The following NUTM2G variants were observed in gnomAD, a reference collection of about 807,000 sequenced individuals.
NUTM2G encodes the protein NUT family member 2G.
Under a neutral mutation model 44.3 loss-of-function variants are expected in NUTM2G, and 29 were observed. The ratio of observed to expected loss-of-function variants is 0.66; its 90% CI spans 0.49 to 0.89. The LOEUF is 0.89. Ranked by LOEUF, NUTM2G falls within the 40% of genes least tolerant of loss-of-function variation. The pLI is 0.00. For missense variants in NUTM2G, 502 were observed against 946.5 expected (o/e 0.53, Z 6.16); for synonymous variants, 205 against 395.9 (o/e 0.52, Z 5.72).
intron 1 of NUTM2G, among the ~76,000 whole-genome samples, chr9:96,930,262 C>T (rs1480966900): frequency 1.3e-5 from 2 of 152,102 alleles, no homozygotes; most frequent in East Asian, 1.9e-4. Context: ...CGGTGGCTCA[C>T]GCCTGTAATC....
rs1168888338 is a variant in NUTM2G, at chr9:96,930,872, G to GTTTTTTTTTTTTTTTTTTTTT, written c.17-830_17-810dup. 1.4e-4 allele frequency among the ~76,000 whole-genome samples: 10 copies of GTTTTTTTTTTTTTTTTTTTTT among 72,726 alleles called. 3 individuals are homozygous for GTTTTTTTTTTTTTTTTTTTTT. Among genetic ancestry groups the GTTTTTTTTTTTTTTTTTTTTT allele is most frequent in the African/African-American group, 2.8e-4 (5 of 17,572 alleles). 47.7% of individuals were successfully genotyped at this position (72,726 alleles called of 152,430 possible). On this transcript the variant is annotated intron_variant, in intron 1 of 6. Transcript: ENST00000372322. The stretch of plus-strand genomic sequence containing the variant: ...GGCTTGGGCGAGTTTCCATCCAGTG[G>GTTTTTTTTTTTTTTTTTTTTT]TTTTTTTTTTTTTTTTTTTTTTTTT...
intron 5 of NUTM2G, 58 bp downstream of exon 5, chr9:96,937,462 C>T (rs1826473039): frequency 6.6e-7 from 1 of 1,506,982 alleles, no homozygotes; most frequent in South Asian, 1.2e-5. Context: ...ACTTCCAGGT[C>T]CTTGGAATTA....
At chr9:96,930,251 G>A (rs570573660) in intron 1 of NUTM2G, among the ~76,000 whole-genome samples, 3 of 152,174 alleles carry the variant, frequency 2.0e-5, no homozygotes, top group Non-Finnish European at 2.9e-5. Flanking sequence ...CTGGCCGGGC[G>A]CGGTGGCTCA....
At chr9:96,936,990 C>T (rs1337822352) in intron 4 of NUTM2G, 74 bp from the exon 5 acceptor site, 52 of 1,372,010 alleles carry the variant, frequency 3.8e-5, no homozygotes, top group Non-Finnish European at 5.1e-5. Flanking sequence ...ATCCCCAAGC[C>T]CTGCCCTCCC....
rs1310362219 is a variant in NUTM2G at position 96,930,871 on chromosome 9, G to GTTTTT, written c.17-851_17-850insTTTTT. On this transcript the variant is annotated intron_variant, in intron 1 of 6. Transcript: ENST00000372322. ...TGGCTTGGGCGAGTTTCCATCCAGT[G>GTTTTT]GTTTTTTTTTTTTTTTTTTTTTTTT... is the stretch of plus-strand genomic sequence containing the variant. Among the ~76,000 whole-genome samples the GTTTTT allele has an allele frequency of 8.6e-5, 9 of 104,404 alleles. 1 individual carries two copies. Among genetic ancestry groups the GTTTTT allele is most frequent in the African/African-American group, 3.0e-4 (8 of 26,804 alleles). 68.5% of individuals were successfully genotyped at this position (104,404 alleles called of 152,430 possible).
chr9:96,938,025 C>T, intron 6 of NUTM2G, 24 bp downstream of exon 6: 1 of 1,612,274 alleles, frequency 6.2e-7, no homozygotes, highest in Non-Finnish European at 8.5e-7. Flanking sequence ...GGGAGGGGAA[C>T]CCAGGTACTC....
chr9:96,938,069 C>T (rs1181483757), intron 6 of NUTM2G, 68 bp downstream of exon 6: 6 of 1,603,570 alleles, frequency 3.7e-6, no homozygotes, highest in African/African-American at 2.7e-5. Flanking sequence ...ACAAGGCCCA[C>T]CCGACTGTCT....
At chr9:96,935,514 G>C (rs918666394) in intron 3 of NUTM2G, 58 bp downstream of exon 3, 9 of 1,611,446 alleles carry the variant, frequency 5.6e-6, no homozygotes, top group African/African-American at 1.3e-5. Context: ...GAATGACAGA[G>C]GCCCGGTGGC....
downstream of NUTM2G, chr9:96,942,962 C>T (rs1041415826): frequency 6.6e-6 from 1 of 151,058 alleles, no homozygotes; most frequent in Non-Finnish European, 1.5e-5. Context: ...CAAAATAAAA[C>T]CCCAAGGCAC....
downstream of NUTM2G, chr9:96,942,653 CCT>C (rs1826622426): frequency 7.6e-6 from 1 of 132,358 alleles, no homozygotes; most frequent in Non-Finnish European, 1.5e-5. Context: ...ATGAATTCCA[CCT>C]CTCAGGCCAT....
intron 6 of NUTM2G, 130 bp downstream of exon 6, chr9:96,938,131 G>A (rs1288342140): frequency 1.4e-6 from 1 of 732,880 alleles, no homozygotes; most frequent in Non-Finnish European, 2.3e-6. Context: ...CTCCGGGGTG[G>A]GAAGATGCAG....
chr9:96,930,545 AAAG>A (rs1325595044), intron 1 of NUTM2G, among the ~76,000 whole-genome samples: 1 of 148,182 alleles, frequency 6.7e-6, no homozygotes, highest in Non-Finnish European at 1.5e-5. Flanking sequence ...AAAAGAAAAA[AAAG>A]AAAATCCCTA....
chr9:96,936,030 G>A (rs574547509), intron 3 of NUTM2G, among the ~76,000 whole-genome samples: 1,643 of 149,538 alleles, frequency 0.011, 22 homozygotes, highest in African/African-American at 0.038. Context: ...GGGGTCTCCC[G>A]GGCCTCGTGT....
downstream of NUTM2G, chr9:96,942,895 A>C (rs1398397447): frequency 2.0e-5 from 3 of 147,872 alleles, 1 homozygote; most frequent in African/African-American, 5.3e-5. Flanking sequence ...CTTGCCCTTC[A>C]TTAGAATAGA....
chr9:96,940,922 C>T (rs1273220226), downstream of NUTM2G, among the ~76,000 whole-genome samples: 1 of 152,156 alleles, frequency 6.6e-6, no homozygotes, highest in Non-Finnish European at 1.5e-5. Context: ...CTTGGCAGGG[C>T]TTCCCCAGCT....
chr9:96,933,415 G>A (rs1826333670), intron 2 of NUTM2G: 1 of 152,060 alleles, frequency 6.6e-6, no homozygotes, highest in African/African-American at 2.4e-5. Context: ...CTGTCACCCA[G>A]GCTGGAGTGC....
chr9:96,933,221 T>G (rs138604721), intron 2 of NUTM2G, among the ~76,000 whole-genome samples: 2,119 of 150,826 alleles, frequency 0.014, 24 homozygotes, highest in South Asian at 0.024. Context: ...CTGGTGATTC[T>G]CCCGCCTCGG....
At chr9:96,931,035 C>T (rs1197692674) in intron 1 of NUTM2G, among the ~76,000 whole-genome samples, 2 of 151,844 alleles carry the variant, frequency 1.3e-5, no homozygotes, top group African/African-American at 4.8e-5. Context: ...GCTGCGATTA[C>T]AGGCACGCAT....
downstream of NUTM2G, chr9:96,942,819 C>T (rs918429673): frequency 5.9e-5 from 9 of 151,842 alleles, no homozygotes; most frequent in Admixed American, 2.0e-4. Flanking sequence ...TCACGGGTGA[C>T]GATAGGATCA....
Sources: gnomAD v4.1 joint callset for allele counts (sites outside exome capture counted in the v4.1 genomes callset) on GRCh38, gnomAD v4.1.1 for gene constraint, MANE v1.5 for transcripts, NCBI Gene and HGNC (gene_info 2026-07-23, HGNC 2026-07-21) for gene names.